The following FHIT variants were observed in gnomAD, a reference collection of about 807,000 sequenced individuals.
FHIT encodes the protein bis(5'-adenosyl)-triphosphatase.
A neutral mutation model predicts 17.9 loss-of-function variants in FHIT; 19 were observed. The ratio of observed to expected loss-of-function variants is 1.06; its 90% CI spans 0.74 to 1.56. The LOEUF is 1.56. Among genes scored for constraint, FHIT ranks in the 40% most tolerant of loss-of-function variants. The pLI is 0.00. For synonymous variants in FHIT, 81 were observed against 69.7 expected (o/e 1.16, Z -0.81); for missense variants, 248 against 189.2 (o/e 1.31, Z -1.82).
chr3:59,801,807 CTTACCCTTCTGGCCTGAGGCTCCAT>C (rs1408214821), intron 8 of FHIT, among the ~76,000 whole-genome samples: 1 of 152,218 alleles, frequency 6.6e-6, no homozygotes, highest in African/African-American at 2.4e-5. Context: ...CTGGCCTCCA[CTTACCCTTCTGGCCTGAGGCTCCAT>C]GGCATGCCCT....
chr3:60,327,493 TA>T, intron 5 of FHIT, among the ~76,000 whole-genome samples: 1 of 152,340 alleles, frequency 6.6e-6, no homozygotes, highest in Admixed American at 6.5e-5. Flanking sequence ...AAACATTATT[TA>T]CAAAAACAGC....
At chr3:61,088,868 C>G (rs981321410) in intron 2 of FHIT, among the ~76,000 whole-genome samples, 1 of 151,842 alleles carries the variant, frequency 6.6e-6, no homozygotes, top group Non-Finnish European at 1.5e-5. Context: ...AGTATGGCTG[C>G]GCTGGAAAAA....
intron 7 of FHIT, among the ~76,000 whole-genome samples, chr3:59,942,207 T>A (rs1275027944): frequency 6.6e-6 from 1 of 152,224 alleles, no homozygotes; most frequent in Non-Finnish European, 1.5e-5. Context: ...CTCTCTGGAC[T>A]GCAGCCCCTG....
chr3:60,680,828 C>T (rs577261514), intron 4 of FHIT, among the ~76,000 whole-genome samples: 2 of 152,250 alleles, frequency 1.3e-5, no homozygotes, highest in South Asian at 2.1e-4. Context: ...GAGCACATTT[C>T]CCAGTGCCTT....
intron 4 of FHIT, among the ~76,000 whole-genome samples, chr3:60,584,815 A>T (rs1553661087): frequency 6.6e-6 from 1 of 151,926 alleles, no homozygotes; most frequent in Non-Finnish European, 1.5e-5. Context: ...CTGAATGAAG[A>T]TCCTTACAAT....
chr3:60,964,057 T>A (rs1553782209), intron 3 of FHIT, among the ~76,000 whole-genome samples: 1 of 152,164 alleles, frequency 6.6e-6, no homozygotes, highest in African/African-American at 2.4e-5. Context: ...TATTATCGTG[T>A]GGGAGTCTAA....
At chr3:60,149,585 G>A (rs1297987237) in intron 5 of FHIT, among the ~76,000 whole-genome samples, 2 of 151,970 alleles carry the variant, frequency 1.3e-5, no homozygotes, top group African/African-American at 2.4e-5. Flanking sequence ...AAGGTGCTGC[G>A]GTGCCATCAA....
At chr3:61,138,022 T>G (rs1197201775) in intron 2 of FHIT, among the ~76,000 whole-genome samples, 1 of 152,204 alleles carries the variant, frequency 6.6e-6, no homozygotes. Flanking sequence ...ATTAACCAAC[T>G]ATATGACCTT....
At chr3:59,914,263 A>G (rs1465797948) in intron 8 of FHIT, among the ~76,000 whole-genome samples, 1 of 152,208 alleles carries the variant, frequency 6.6e-6, no homozygotes, top group Non-Finnish European at 1.5e-5. Context: ...ACGCATCTCA[A>G]TTCAGACTGG....
intron 8 of FHIT, among the ~76,000 whole-genome samples, chr3:59,863,820 C>T (rs1427453331): frequency 6.6e-6 from 1 of 152,156 alleles, no homozygotes; most frequent in African/African-American, 2.4e-5. Flanking sequence ...CATTGCAGCT[C>T]AAATTCAGCT....
chr3:60,998,087 C>T (rs748426382), intron 3 of FHIT, among the ~76,000 whole-genome samples: 4 of 152,154 alleles, frequency 2.6e-5, no homozygotes, highest in Non-Finnish European at 4.4e-5. Context: ...GGATTTGCCC[C>T]AACACCAAAT....
intron 8 of FHIT, among the ~76,000 whole-genome samples, chr3:59,863,170 T>C (rs1669995950): frequency 6.6e-6 from 1 of 152,312 alleles, no homozygotes; most frequent in South Asian, 2.1e-4. Context: ...CTTGTCTCCA[T>C]GCCAATGCAG....
chr3:60,229,935 T>C (rs904410669), intron 5 of FHIT, among the ~76,000 whole-genome samples: 5 of 152,170 alleles, frequency 3.3e-5, no homozygotes, highest in African/African-American at 7.2e-5. Context: ...TGAGCTATGA[T>C]TGTGCCACTG....
chr3:60,431,465 T>G (rs969780966), intron 5 of FHIT, among the ~76,000 whole-genome samples: 16 of 152,068 alleles, frequency 1.1e-4, no homozygotes, highest in Non-Finnish European at 2.1e-4. Flanking sequence ...TTCACTGACC[T>G]ATCTCTTGCC....
chr3:61,152,672 A>T (rs1271395370), intron 2 of FHIT, among the ~76,000 whole-genome samples: 1 of 152,208 alleles, frequency 6.6e-6, no homozygotes, highest in East Asian at 1.9e-4. Context: ...CACTGTAATT[A>T]TTCAGGTCTT....
chr3:60,407,933 A>C lies in FHIT; in HGVS notation c.103+128927T>G, dbSNP rs137964696. Among the ~76,000 whole-genome samples the C allele has an allele frequency of 6.1e-4, 93 of 152,284 alleles. No homozygotes were observed. The East Asian group carries it at 9.7e-3, about 16-fold the overall frequency. ...CTAATAAAATGAAGAGTATCACACA[A>C]CCATTACTGGAACCTGTTAAAGCCA... is the stretch of plus-strand genomic sequence containing the variant. On this transcript the variant is annotated intron_variant, in intron 5 of 9. Transcript: ENST00000492590.
At chr3:60,868,753 T>C (rs1559788300) in intron 3 of FHIT, among the ~76,000 whole-genome samples, 1 of 152,076 alleles carries the variant, frequency 6.6e-6, no homozygotes, top group Admixed American at 6.6e-5. Context: ...AAAGACACAA[T>C]CAAATAGCTG....
At chr3:60,755,185 A>G (rs1420665337) in intron 4 of FHIT, among the ~76,000 whole-genome samples, 1 of 152,144 alleles carries the variant, frequency 6.6e-6, no homozygotes, top group Non-Finnish European at 1.5e-5. Flanking sequence ...ATCTACCAGG[A>G]CTCTCAAACT....
chr3:59,827,437 A>C (rs1701015221), intron 8 of FHIT, among the ~76,000 whole-genome samples: 1 of 152,262 alleles, frequency 6.6e-6, no homozygotes. Flanking sequence ...ATAGGGCACC[A>C]GAAGGTGTGG....
Sources: gnomAD v4.1 joint callset for allele counts (sites outside exome capture counted in the v4.1 genomes callset) on GRCh38, gnomAD v4.1.1 for gene constraint, MANE v1.5 for transcripts, NCBI Gene and HGNC (gene_info 2026-07-23, HGNC 2026-07-21) for gene names.